Variants in CFAP300 observed in about 807,000 individuals in gnomAD.
CFAP300 encodes the protein cilia and flagella associated protein 300, also known as cilia- and flagella-associated protein 300.
In CFAP300, 32 loss-of-function variants were observed where a neutral mutation model predicts 33.0. That is an observed-to-expected ratio of 0.97 (90% CI 0.73 to 1.30). CFAP300 has a LOEUF of 1.30. Ranked by LOEUF, CFAP300 falls within the 50% of genes most tolerant of loss-of-function variation. The pLI is 0.00. For missense variants in CFAP300, 356 were observed against 318.1 expected, an observed-to-expected ratio of 1.12 and a Z score of -0.90; for synonymous variants, 102 against 106.8, an observed-to-expected ratio of 0.95 and a Z score of 0.28.
intron 3 of CFAP300, among the ~76,000 whole-genome samples, chr11:102,062,271 A>G (rs939135996): frequency 6.6e-6 from 1 of 152,224 alleles, no homozygotes; most frequent in Non-Finnish European, 1.5e-5. Context: ...TAAGCCACCC[A>G]GACTATGGCA....
intron 2 of CFAP300, among the ~76,000 whole-genome samples, chr11:102,055,067 G>A (rs113466265): frequency 6.8e-6 from 1 of 146,438 alleles, no homozygotes; most frequent in African/African-American, 2.5e-5. Flanking sequence ...TGCAACCTCT[G>A]CCTCCGGGAT....
intron 2 of CFAP300, among the ~76,000 whole-genome samples, chr11:102,055,579 G>A (rs1222526131): frequency 2.0e-5 from 3 of 149,692 alleles, no homozygotes; most frequent in South Asian, 2.1e-4. Flanking sequence ...GGCTGGTCTC[G>A]AACTCCTGAG....
At chr11:102,049,381 C>G (rs1043535817) in intron 2 of CFAP300, among the ~76,000 whole-genome samples, 1 of 152,192 alleles carries the variant, frequency 6.6e-6, no homozygotes, top group Non-Finnish European at 1.5e-5. Context: ...TTAAGGGCCC[C>G]GCATAACCTC....
intron 1 of CFAP300, 26 bp from the exon 2 acceptor site, chr11:102,047,789 G>C (rs756530636): frequency 6.2e-7 from 1 of 1,612,576 alleles, no homozygotes; most frequent in Non-Finnish European, 8.5e-7. Context: ...GCCCCCAGAT[G>C]ATTTCTTTTT....
chr11:102,047,685 G>A, intron 1 of CFAP300, 105 bp downstream of exon 1: 1 of 1,448,704 alleles, frequency 6.9e-7, no homozygotes, highest in Non-Finnish European at 9.3e-7. Flanking sequence ...CATTCTGAGT[G>A]AACCCTGAGG....
At chr11:102,065,154 T>G (rs1226524334) in intron 3 of CFAP300, among the ~76,000 whole-genome samples, 1 of 152,156 alleles carries the variant, frequency 6.6e-6, no homozygotes, top group Non-Finnish European at 1.5e-5. Context: ...TCACCCAGGC[T>G]GGAGTGCAGT....
chr11:102,051,285 A>G (rs1364214288), intron 2 of CFAP300, among the ~76,000 whole-genome samples: 2 of 152,202 alleles, frequency 1.3e-5, no homozygotes, highest in Non-Finnish European at 2.9e-5. Flanking sequence ...GGCCCAGTAT[A>G]TAGTGTTGAC....
chr11:102,059,415 G>A (rs1265066686), intron 3 of CFAP300, among the ~76,000 whole-genome samples: 4 of 151,920 alleles, frequency 2.6e-5, no homozygotes, highest in Non-Finnish European at 4.4e-5. Context: ...TTGGGAGGCT[G>A]AGGCGGGCGG....
In CFAP300 at chr11:102,081,215, T is replaced by A. The variant is rs781638044; in HGVS notation, c.609T>A (p.Ser203Arg). 2.5e-6 allele frequency: 4 copies of A among 1,602,828 alleles called. No homozygotes were observed. The highest frequency in any genetic ancestry group is 2.5e-6 in the Non-Finnish European group (3 of 1,176,904). ...AAGCACCTTTTCTTCCTTTTTTTAG[T>A]GTTCGAAAGAATCCTCAAACCAAGA... ...TTKLIYKDLV[S>R]VRKNPQTKKI... is the part of the protein sequence containing the mutation. Residue 203 changes from serine to arginine, a missense_variant and splice_region_variant, in exon 6 of 7, where the codon AGT (serine) becomes AGA (arginine). Transcript: ENST00000434758.
chr11:102,067,735 A>T (rs1419823313), intron 4 of CFAP300, among the ~76,000 whole-genome samples: 4 of 152,166 alleles, frequency 2.6e-5, no homozygotes, highest in Admixed American at 2.6e-4. Context: ...CAAGACCCTC[A>T]TCTCTACAAA....
At chr11:102,049,999 T>G (rs1021587897) in intron 2 of CFAP300, among the ~76,000 whole-genome samples, 5 of 151,974 alleles carry the variant, frequency 3.3e-5, no homozygotes, top group African/African-American at 4.8e-5. Flanking sequence ...TTTTAAAAAT[T>G]TTTTAATTAG....
intron 2 of CFAP300, among the ~76,000 whole-genome samples, chr11:102,055,627 C>CG (rs1054689596): frequency 6.7e-6 from 1 of 149,860 alleles, no homozygotes; most frequent in Admixed American, 6.7e-5. Flanking sequence ...GGACCATAGG[C>CG]GTGAGGCACC....
chr11:102,064,595 G>A (rs1179828712), intron 3 of CFAP300, among the ~76,000 whole-genome samples: 1 of 152,210 alleles, frequency 6.6e-6, no homozygotes, highest in Non-Finnish European at 1.5e-5. Context: ...AAAAGAGCTA[G>A]TGTAAACATT....
chr11:102,066,521 C>T lies in CFAP300; in HGVS notation c.305C>T (p.Pro102Leu). Reference sequence around the variant, plus strand: ...AAAAAAATTGAAGCTATAAATGTTCCTTGCACACAGCTTTCAATGTCATTT... The same window carrying T: ...AAAAAAATTGAAGCTATAAATGTTCTTTGCACACAGCTTTCAATGTCATTT... ...EVKKIEAINV[P>L]CTQLSMSFFH... The change falls in exon 4 of 7, where the codon CCT (proline) becomes CTT (leucine). Residue 102 changes from proline (P) to leucine (L), a missense_variant. Physicochemically the swap from Pro to Leu is moderately conservative, Grantham distance 98. Coordinates refer to ENST00000434758, the MANE Select transcript of CFAP300 (RefSeq NM_032930.3). The T allele has an allele frequency of 1.9e-6, 3 of 1,609,784 alleles. No homozygotes were observed. The highest frequency in any genetic ancestry group is 2.5e-6 in the Non-Finnish European group (3 of 1,178,668).
In CFAP300 at chr11:102,084,161, A is replaced by G. The variant is rs1942514641; in HGVS notation, c.*962A>G. On this transcript the variant is annotated 3_prime_UTR_variant, in exon 7 of 7. Coordinates refer to ENST00000434758, the MANE Select transcript of CFAP300 (RefSeq NM_032930.3). ...TTAGTAAGTCGTTCAAAGAGTGAGA[A>G]GCAGGTTATCTTAGTACTGTTCCTT... 6.6e-6 allele frequency: 1 copy of G among 152,264 alleles called. No individual in the cohort carries two copies. The highest frequency in any genetic ancestry group is 2.4e-5 in the African/African-American group (1 of 41,470). The allele number at this position is 152,264 out of a possible 1,614,324, so 9.4% of individuals were successfully genotyped here.
chr11:102,049,114 AG>A (rs1941931389), intron 2 of CFAP300, among the ~76,000 whole-genome samples: 1 of 152,350 alleles, frequency 6.6e-6, no homozygotes, highest in South Asian at 2.1e-4. Context: ...TGGAGAAAGG[AG>A]AACATTAGGT....
chr11:102,059,107 C>T, intron 3 of CFAP300, 152 bp downstream of exon 3: 2 of 529,258 alleles, frequency 3.8e-6, no homozygotes, highest in Non-Finnish European at 6.7e-6. Flanking sequence ...ACCTGCCCTG[C>T]ATCTCTTTCC....
chr11:102,050,972 AC>A (rs1941961450), intron 2 of CFAP300, among the ~76,000 whole-genome samples: 1 of 152,124 alleles, frequency 6.6e-6, no homozygotes, highest in African/African-American at 2.4e-5. Context: ...CAAATTGGAA[AC>A]TGTTGTCCTC....
rs773987459 is a variant in CFAP300 at position 102,074,954 on chromosome 11, G to A, written c.436-919G>A. 1.1e-4 allele frequency among the ~76,000 whole-genome samples: 17 copies of A among 151,882 alleles called. No individual in the cohort carries two copies. The South Asian group carries it at 3.6e-3, about 32-fold the overall frequency. ...GCTCCTGGCCTCAAGCGATCCTCCT[G>A]CCATGGCCTCCCAAAGTGCTGAGAT... is the stretch of plus-strand genomic sequence containing the variant. On this transcript the variant is annotated intron_variant, in intron 4 of 6. Transcript: ENST00000434758.
Sources: gnomAD v4.1 joint callset for allele counts (sites outside exome capture counted in the v4.1 genomes callset) on GRCh38, gnomAD v4.1.1 for gene constraint, MANE v1.5 for transcripts, NCBI Gene and HGNC (gene_info 2026-07-23, HGNC 2026-07-21) for gene names.